The following POLK variants were observed in gnomAD, a reference collection of about 807,000 sequenced individuals.
The protein encoded by POLK is polymerase (DNA directed) kappa.
A neutral mutation model predicts 94.0 loss-of-function variants in POLK; 76 were observed. The observed-to-expected ratio is 0.81, with a 90% CI of 0.67 to 0.98. The LOEUF (loss-of-function observed/expected upper bound fraction) is 0.98. Ranked by LOEUF, POLK falls within the 50% of genes least tolerant of loss-of-function variation. The pLI, the probability that POLK is intolerant of heterozygous loss-of-function variation, is 0.00. For missense variants in POLK, 954 were observed against 1,010.1 expected (o/e 0.94, Z 0.75); for synonymous variants, 349 against 325.4 (o/e 1.07, Z -0.78).
intron 1 of POLK, among the ~76,000 whole-genome samples, chr5:75,517,492 T>C (rs1768376546): frequency 1.3e-5 from 2 of 152,258 alleles, no homozygotes; most frequent in Non-Finnish European, 1.5e-5. Context: ...GTTAATTTTG[T>C]ATCCTGACAC....
intron 1 of POLK, chr5:75,512,277 G>C (rs2112500904): frequency 6.5e-6 from 1 of 153,620 alleles, no homozygotes; most frequent in Middle Eastern, 3.3e-3. Flanking sequence ...TTTAAAGGAA[G>C]AATTTCCTTA....
In POLK at chr5:75,511,838, G is replaced by A. The variant is rs941122183; in HGVS notation, c.-90G>A. 3.2e-6 allele frequency: 5 copies of A among 1,548,652 alleles called. No individual in the cohort carries two copies. In the African/African-American group the frequency reaches 5.5e-5, roughly 17 times the overall value. ...GAGGGCGGGGTAGGGATGCAGCTGT[G>A]CTGCATTCTGGGAAGGGCGTTGGTC... On this transcript the variant is annotated 5_prime_UTR_variant, in exon 1 of 15. Coordinates refer to ENST00000241436, the Ensembl canonical transcript of POLK.
intron 4 of POLK, among the ~76,000 whole-genome samples, chr5:75,573,011 G>A (rs543374980): frequency 6.6e-6 from 1 of 152,218 alleles, no homozygotes; most frequent in South Asian, 2.1e-4. Flanking sequence ...TCCCATTACT[G>A]GGTATATACC....
At chr5:75,552,552 T>C (rs768344635) in exon 3 of POLK, 3 of 1,612,224 alleles carry the variant, frequency 1.9e-6, no homozygotes, top group Admixed American at 1.7e-5. Flanking sequence ...AACAAAAAGC[T>C]CAAATCACCA....
chr5:75,532,657 T>C (rs1339961929), intron 1 of POLK, among the ~76,000 whole-genome samples: 1 of 152,226 alleles, frequency 6.6e-6, no homozygotes, highest in Non-Finnish European at 1.5e-5. Context: ...TTTGAGAAAT[T>C]GCCAAACTGC....
At chr5:75,523,250 G>C (rs1768670898) in intron 1 of POLK, among the ~76,000 whole-genome samples, 2 of 152,054 alleles carry the variant, frequency 1.3e-5, no homozygotes, top group African/African-American at 4.8e-5. Flanking sequence ...TATCCATTGG[G>C]ATATCTGAAT....
At chr5:75,540,584 C>T (rs1218699171) in intron 1 of POLK, among the ~76,000 whole-genome samples, 1 of 152,128 alleles carries the variant, frequency 6.6e-6, no homozygotes, top group Non-Finnish European at 1.5e-5. Context: ...CAACCCTGAG[C>T]CACTGCCCCT....
intron 9 of POLK, among the ~76,000 whole-genome samples, chr5:75,586,497 G>T (rs1772478156): frequency 6.6e-6 from 1 of 152,096 alleles, no homozygotes; most frequent in Non-Finnish European, 1.5e-5. Context: ...TCCTGTCAGA[G>T]CAGCTAGAAT....
At chr5:75,592,020 C>T (rs1772814635) in intron 11 of POLK, among the ~76,000 whole-genome samples, 1 of 152,210 alleles carries the variant, frequency 6.6e-6, no homozygotes, top group South Asian at 2.1e-4. Flanking sequence ...TAACTACCCT[C>T]AGATGAGAGA....
At chr5:75,601,977 T>A (rs1208638287), downstream of POLK, among the ~76,000 whole-genome samples, 2 of 152,200 alleles carry the variant, frequency 1.3e-5, no homozygotes, top group Admixed American at 6.5e-5. Context: ...CCTAAATTCT[T>A]CTCTCCAACC....
chr5:75,571,448 A>C (rs1561384707), intron 4 of POLK, among the ~76,000 whole-genome samples: 1 of 152,148 alleles, frequency 6.6e-6, no homozygotes, highest in Non-Finnish European at 1.5e-5. Context: ...TTATTTGCTC[A>C]TGATTCTGTA....
At chr5:75,517,908 T>C (rs188611838) in intron 1 of POLK, among the ~76,000 whole-genome samples, 1 of 152,338 alleles carries the variant, frequency 6.6e-6, no homozygotes, top group African/African-American at 2.4e-5. Context: ...ATGTTTTTGG[T>C]TCTTGATTCT....
chr5:75,537,214 T>G (rs1490557388), intron 1 of POLK, among the ~76,000 whole-genome samples: 1 of 152,218 alleles, frequency 6.6e-6, no homozygotes, highest in Non-Finnish European at 1.5e-5. Context: ...AGAGGTGCCC[T>G]TGGGCTTCAG....
At chr5:75,512,009 T>C (rs1023837273) in intron 1 of POLK, 95 bp downstream of exon 1, 4 of 562,398 alleles carry the variant, frequency 7.1e-6, no homozygotes, top group Non-Finnish European at 1.3e-5. Context: ...CCCCTCGGCC[T>C]CGCTTCTATC....
rs559563548 is a variant in POLK, at chr5:75,530,960, C to T, written c.-13-16050C>T. On this transcript the variant is annotated intron_variant, in intron 1 of 14. Coordinates refer to ENST00000241436, the Ensembl canonical transcript of POLK. Reference sequence around the variant, plus strand: ...AGCTGGGACTACAGGTGCCTGCCACCATGCCCGGCTAATTTTTTGTATTTT... The same window carrying T: ...AGCTGGGACTACAGGTGCCTGCCACTATGCCCGGCTAATTTTTTGTATTTT... 7.9e-5 allele frequency among the ~76,000 whole-genome samples: 12 copies of T among 151,924 alleles called. No homozygotes were observed. In the Middle Eastern group the frequency reaches 0.01, roughly 130 times the overall value.
intron 5 of POLK, among the ~76,000 whole-genome samples, chr5:75,575,213 C>T (rs1255124092): frequency 2.0e-5 from 3 of 152,188 alleles, no homozygotes; most frequent in Non-Finnish European, 4.4e-5. Flanking sequence ...CAGGGTCTCA[C>T]CCCATAGCCC....
At chr5:75,565,805 G>A (rs1771235347) in intron 3 of POLK, among the ~76,000 whole-genome samples, 1 of 152,196 alleles carries the variant, frequency 6.6e-6, no homozygotes, top group Admixed American at 6.5e-5. Context: ...TCCTGTATGA[G>A]GTGTCTGTCA....
chr5:75,589,673 C>G (rs994997590), intron 10 of POLK, among the ~76,000 whole-genome samples: 2 of 152,104 alleles, frequency 1.3e-5, no homozygotes, highest in African/African-American at 4.8e-5. Flanking sequence ...GGGAAGAGAA[C>G]TGAGTAGCTG....
chr5:75,573,829 T>C, exon 5 of POLK: 1 of 1,613,470 alleles, frequency 6.2e-7, no homozygotes, highest in South Asian at 1.1e-5. Context: ...CTTATAATAG[T>C]GCCCCCCAAC....
Sources: allele counts gnomAD v4.1 joint callset (sites outside exome capture counted in the v4.1 genomes callset), GRCh38; gene constraint gnomAD v4.1.1; transcripts MANE v1.5; gene names NCBI Gene and HGNC (gene_info 2026-07-23, HGNC 2026-07-21).